The following NCL variants were observed in gnomAD, a reference collection of about 807,000 sequenced individuals.
NCL encodes nucleolin multifunctional protein.
Under a neutral mutation model 77.7 loss-of-function variants are expected in NCL, and 4 were observed. The ratio of observed to expected loss-of-function variants is 0.05; its 90% confidence interval spans 0.03 to 0.12. The LOEUF (loss-of-function observed/expected upper bound fraction) is 0.12, where lower values mean the gene tolerates loss of function less well. NCL is among the 10% of genes least tolerant of loss of function. The pLI, the probability that NCL is intolerant of heterozygous loss-of-function variation, is 1.00. For missense variants in NCL, 763 were observed against 860.9 expected (o/e 0.89, Z 1.42); for synonymous variants, 344 against 297.8 (o/e 1.16, Z -1.60).
At chr2:231,456,787 T>TA (rs766739190) in intron 10 of NCL, 23 bp from the exon 11 acceptor site, 21 of 1,612,876 alleles carry the variant, frequency 1.3e-5, no homozygotes, top group Non-Finnish European at 1.8e-5. Context: ...AGTTAATGCT[T>TA]AGAGTAAGTT....
In NCL at chr2:231,455,238, CTCCTCT is replaced by C. The variant is rs1348613998; in HGVS notation, c.2080_2085del (p.Arg694_Gly695del). On this transcript the variant is annotated inframe_deletion, in exon 14 of 14. Transcript: ENST00000322723. ...CCTTGTGGCTTGTGGTCACCTCCTC[CTCCTCT>C]GCCTCCTCGGAAGCCTCCTCGCCCT... is the stretch of plus-strand genomic sequence containing the variant. 1 of 1,614,094 alleles carries C rather than the reference CTCCTCT, an allele frequency of 6.2e-7. No individual in the cohort carries two copies. The highest frequency in any genetic ancestry group is 1.3e-5 in the African/African-American group (1 of 74,952).
chr2:231,458,631 C>T (rs866295565), intron 7 of NCL: 16 of 512,300 alleles, frequency 3.1e-5, no homozygotes, highest in Non-Finnish European at 3.7e-5. Flanking sequence ...CTAGAGTAGA[C>T]GCGCATAACA....
At chr2:231,462,973 G>A in intron 2 of NCL, 2 of 508,374 alleles carry the variant, frequency 3.9e-6, no homozygotes, top group Non-Finnish European at 7.0e-6. Context: ...TCCAAGCCCT[G>A]CAGAGGAACA....
rs749839188 is a variant in NCL at position 231,461,580 on chromosome 2, A to ATCCTCATCG, written c.564_572dup (p.Glu196_Asp198dup). 6.2e-7 allele frequency: 1 copy of ATCCTCATCG among 1,612,626 alleles called. No individual in the cohort carries two copies. The highest frequency in any genetic ancestry group is 1.1e-5 in the South Asian group (1 of 91,044). On this transcript the variant is annotated inframe_insertion, in exon 3 of 14. Coordinates refer to ENST00000322723, the MANE Select transcript of NCL (RefSeq NM_005381.3). ...CATCGTCATCCTCATCATCTTCGTC[A>ATCCTCATCG]TCCTCATCGTCCTCATCCTCTGAGG...
rs1260904576 is a variant in NCL at position 231,454,860 on chromosome 2, AC to A, written c.*330del. ...CCCCACGAACGCAAAAAAAAAAAAA[AC>A]AAAAACAAAACAAAAAAAAGAAACA... On this transcript the variant is annotated 3_prime_UTR_variant, in exon 14 of 14. Transcript: ENST00000322723. 214 of 193,362 alleles carry A rather than the reference AC, an allele frequency of 1.1e-3. 1 individual carries two copies. The highest frequency in any genetic ancestry group is 3.5e-3 in the East Asian group (28 of 7,994). The allele number at this position is 193,362 out of a possible 1,614,324, so 12.0% of individuals were successfully genotyped here. A position where few individuals can be genotyped will look rare whatever the true frequency, so the allele number is the denominator to read the frequency against.
At position 231,462,089 on chromosome 2, in the gene NCL, G is replaced by C. The variant is rs762586370; in HGVS notation, c.136-72C>G. 2.7e-5 allele frequency: 42 copies of C among 1,566,326 alleles called. 1 individual carries two copies. In the South Asian group the frequency reaches 4.2e-4, roughly 16 times the overall value. On this transcript the variant is annotated intron_variant, in intron 2 of 13. Coordinates refer to ENST00000322723, the MANE Select transcript of NCL (RefSeq NM_005381.3). ...AAAAAGATAACCATGGTCCCAATGA[G>C]ATGTTAGACTCTGGCAATGCCTCTG...
rs1232298908 is a variant in NCL, at chr2:231,463,332, A to G, written c.19-16T>C. On this transcript the variant is annotated splice_polypyrimidine_tract_variant and intron_variant, in intron 1 of 13. Transcript: ENST00000322723. ...TTTTACCTGCCTAAAATGGACACAA[A>G]TAGATCATTACACCTCCACCTCGAC... is the stretch of plus-strand genomic sequence containing the variant. 7 of 1,506,894 alleles carry G rather than the reference A, an allele frequency of 4.6e-6. No individual in the cohort carries two copies. Among genetic ancestry groups the G allele is most frequent in the Non-Finnish European group, 5.5e-6 (6 of 1,086,208 alleles). 93.3% of individuals were successfully genotyped at this position (1,506,894 alleles called of 1,614,324 possible).
chr2:231,456,422 T>C, intron 11 of NCL: 1 of 1,042,108 alleles, frequency 9.6e-7, no homozygotes, highest in Non-Finnish European at 1.5e-6. Flanking sequence ...ATGGGCAAAC[T>C]TGCTACTCTG....
chr2:231,464,306 A>G, intron 1 of NCL, 30 bp downstream of exon 1: 1 of 1,579,560 alleles, frequency 6.3e-7, no homozygotes, highest in Non-Finnish European at 8.6e-7. Flanking sequence ...GCAGGCCTAC[A>G]CGTCTGCGCT....
Position 231,456,351 on chromosome 2 carries a change from T to C in NCL, c.1706-215A>G, listed in dbSNP as rs991667277. 13 of 887,014 alleles carry C rather than the reference T, an allele frequency of 1.5e-5. No individual in the cohort carries two copies. The African/African-American group carries it at 1.8e-4, about 12-fold the overall frequency. 54.9% of individuals were successfully genotyped at this position (887,014 alleles called of 1,614,324 possible). A position where few individuals can be genotyped will look rare whatever the true frequency, so the allele number is the denominator to read the frequency against. On this transcript the variant is annotated intron_variant, in intron 11 of 13. Coordinates refer to ENST00000322723, the MANE Select transcript of NCL (RefSeq NM_005381.3). ...ATAGTTGATATCCTGCCCCAGATCTTCTATGGAAAGTGGGAGAAGCAACCC... is the reference window on the plus strand; with the variant it reads ...ATAGTTGATATCCTGCCCCAGATCTCCTATGGAAAGTGGGAGAAGCAACCC...
chr2:231,455,345 G>A (rs2046875514), intron 13 of NCL, 56 bp downstream of exon 13: 3 of 1,613,248 alleles, frequency 1.9e-6, no homozygotes, highest in Non-Finnish European at 8.5e-7. Context: ...ACCGTGACAG[G>A]GCACAGGGTC....
In NCL at chr2:231,455,214, C is replaced by G. The variant is rs1179761046; in HGVS notation, c.2110G>C (p.Gly704Arg). 6.2e-7 allele frequency: 1 copy of G among 1,614,092 alleles called. No individual in the cohort carries two copies. Among genetic ancestry groups the G allele is most frequent in the Non-Finnish European group, 8.5e-7 (1 of 1,180,052 alleles). Residue 704 changes from glycine (G) to arginine (R), a missense_variant, in exon 14 of 14, where the codon GGA becomes CGA. Coordinates refer to ENST00000322723, the MANE Select transcript of NCL (RefSeq NM_005381.3). ...RGGGGDHKPQ[G>R]KKTKFE ...AGCTATTCAAACTTCGTCTTCTTTC[C>G]TTGTGGCTTGTGGTCACCTCCTCCT...
At chr2:231,457,192 A>G (rs1309475332) in intron 9 of NCL, 68 bp from the exon 10 acceptor site, 25 of 1,596,206 alleles carry the variant, frequency 1.6e-5, no homozygotes, top group East Asian at 1.1e-4. Flanking sequence ...CACAACAGTA[A>G]TATCTTATTC....
intron 7 of NCL, chr2:231,458,704 A>G: frequency 2.4e-6 from 1 of 421,382 alleles, no homozygotes; most frequent in Non-Finnish European, 4.2e-6. Flanking sequence ...TAGGGACCTA[A>G]TCTAGTTTCA....
At position 231,455,008 on chromosome 2, in the gene NCL, A is replaced by T; in HGVS notation, c.*183T>A. On this transcript the variant is annotated 3_prime_UTR_variant, in exon 14 of 14. Coordinates refer to ENST00000322723, the MANE Select transcript of NCL (RefSeq NM_005381.3). ...CTCAACTCTTTAAAAAGTTTATATG[A>T]ATATCCAGTCAAAACCAACACGGTA... 1.6e-6 allele frequency: 1 copy of T among 611,652 alleles called. No homozygotes were observed. Among genetic ancestry groups the T allele is most frequent in the Non-Finnish European group, 2.9e-6 (1 of 349,656 alleles). The allele number at this position is 611,652 out of a possible 1,614,324, so 37.9% of individuals were successfully genotyped here. A position where few individuals can be genotyped will look rare whatever the true frequency, so the allele number is the denominator to read the frequency against.
rs2125631649 is a variant in NCL, at chr2:231,453,932, CAAGT to C, written c.*1255_*1258del. The C allele has an allele frequency of 6.6e-6, 1 of 152,330 alleles. No homozygotes were observed. The highest frequency in any genetic ancestry group is 2.1e-4 in the South Asian group (1 of 4,832). 9.4% of individuals were successfully genotyped at this position (152,330 alleles called of 1,614,324 possible). A position where few individuals can be genotyped will look rare whatever the true frequency, so the allele number is the denominator to read the frequency against. ...TACATTGATTTTGGGCACTGGGTTT[CAAGT>C]AAATTCATCACAATGTTGATAGTCC... is the stretch of plus-strand genomic sequence containing the variant. On this transcript the variant is annotated 3_prime_UTR_variant, in exon 14 of 14. Coordinates refer to ENST00000322723, the MANE Select transcript of NCL (RefSeq NM_005381.3).
chr2:231,464,400 A>G lies in NCL; in HGVS notation c.-47T>C. The G allele has an allele frequency of 6.3e-7, 1 of 1,590,656 alleles. No individual in the cohort carries two copies. The highest frequency in any genetic ancestry group is 8.6e-7 in the Non-Finnish European group (1 of 1,167,524). ...GGACAAGTGGCGCAGATGAGTCCAG[A>G]AGAAGCCAAGCGACGGCGATGGCGG... is the stretch of plus-strand genomic sequence containing the variant. On this transcript the variant is annotated 5_prime_UTR_variant, in exon 1 of 14. Transcript: ENST00000322723.
chr2:231,459,683 G>C (rs527256467), intron 6 of NCL, among the ~76,000 whole-genome samples: 15 of 152,112 alleles, frequency 9.9e-5, no homozygotes, highest in African/African-American at 3.1e-4. Context: ...GAGGTGGGTG[G>C]ATCACTTGAG....
At position 231,460,706 on chromosome 2, in the gene NCL, A is replaced by T. The variant is rs758469835; in HGVS notation, c.774T>A (p.Asp258Glu). 2.2e-6 allele frequency: 3 copies of T among 1,349,028 alleles called. No individual in the cohort carries two copies. Among genetic ancestry groups the T allele is most frequent in the Admixed American group, 2.1e-5 (1 of 47,628 alleles). The allele number at this position is 1,349,028 out of a possible 1,614,324, so 83.6% of individuals were successfully genotyped here. The change falls in exon 4 of 14, where the codon GAT (aspartate) becomes GAA (glutamate). Residue 258 changes from aspartate to glutamate, a missense_variant. Physicochemically the swap from Asp to Glu is conservative, Grantham distance 45. This residue lies in a region of NCL where 590 missense variants were observed against 570.5 expected (regional missense o/e 1.03). Coordinates refer to ENST00000322723, the MANE Select transcript of NCL (RefSeq NM_005381.3). Reference sequence around the variant, plus strand: ...CTTCTTCCTCCTCCTCATCATCTTCATCATCATCATCTTCATCATCTTCGT... The same window carrying T: ...CTTCTTCCTCCTCCTCATCATCTTCTTCATCATCATCTTCATCATCTTCGT... The part of the protein sequence containing the change: ...DDDEDDEDDD[D>E]EDDEEEEEEE...
Sources: allele counts gnomAD v4.1 joint callset (sites outside exome capture counted in the v4.1 genomes callset), GRCh38; gene constraint gnomAD v4.1.1; regional missense constraint gnomAD v4.1.1; transcripts MANE v1.5; gene names NCBI Gene and HGNC (gene_info 2026-07-23, HGNC 2026-07-21).